Variants in USP12 observed in about 807,000 individuals in gnomAD.
USP12 encodes ubiquitin specific peptidase 12.
In USP12, 19 loss-of-function variants were observed where a neutral mutation model predicts 45.5. That is an observed-to-expected ratio of 0.42 (90% CI 0.29 to 0.61). USP12 has a LOEUF of 0.61. Among genes scored for constraint, USP12 ranks in the 20% least tolerant of loss-of-function variants. The probability of loss-of-function intolerance (pLI) is 0.22; values close to 1 mark genes in which losing one functional copy is unlikely to be tolerated. For missense variants in USP12, 242 were observed against 447.7 expected, an observed-to-expected ratio of 0.54 and a Z score of 4.15; for synonymous variants, 149 against 148.8, an observed-to-expected ratio of 1.00 and a Z score of -0.01.
chr13:27,164,492 C>T (rs1878262543), intron 1 of USP12, among the ~76,000 whole-genome samples: 1 of 152,194 alleles, frequency 6.6e-6, no homozygotes, highest in Admixed American at 6.5e-5. Context: ...GAGGGCTATA[C>T]CACCTCACAC....
chr13:27,159,302 C>T (rs1593215688), intron 1 of USP12, among the ~76,000 whole-genome samples: 2 of 152,236 alleles, frequency 1.3e-5, no homozygotes, highest in South Asian at 4.2e-4. Context: ...ATTACAAGGG[C>T]GTATCTACCA....
intron 1 of USP12, among the ~76,000 whole-genome samples, chr13:27,151,872 C>T (rs1877583160): frequency 6.6e-6 from 1 of 152,184 alleles, no homozygotes; most frequent in Non-Finnish European, 1.5e-5. Context: ...AGAAGATACA[C>T]AAATGGCCAA....
chr13:27,126,543 T>A (rs1876246419), intron 1 of USP12, among the ~76,000 whole-genome samples: 1 of 152,154 alleles, frequency 6.6e-6, no homozygotes, highest in Admixed American at 6.6e-5. Flanking sequence ...CATTTAAACG[T>A]TCCAACCGCA....
intron 6 of USP12, among the ~76,000 whole-genome samples, chr13:27,081,714 T>C (rs1421211248): frequency 6.6e-6 from 1 of 152,202 alleles, no homozygotes; most frequent in Non-Finnish European, 1.5e-5. Flanking sequence ...AAATATTAAA[T>C]AATAACAATT....
intron 1 of USP12, among the ~76,000 whole-genome samples, chr13:27,165,438 A>G (rs899621106): frequency 6.6e-6 from 1 of 152,204 alleles, no homozygotes; most frequent in Non-Finnish European, 1.5e-5. Context: ...ATGTTGAGCT[A>G]ACAGATTAAT....
chr13:27,165,676 T>C (rs1878317470), intron 1 of USP12, among the ~76,000 whole-genome samples: 1 of 152,178 alleles, frequency 6.6e-6, no homozygotes, highest in Non-Finnish European at 1.5e-5. Flanking sequence ...TTCAAATCCC[T>C]TAATGGTACT....
chr13:27,085,172 CT>C (rs1873953535), intron 6 of USP12, among the ~76,000 whole-genome samples: 1 of 151,036 alleles, frequency 6.6e-6, no homozygotes, highest in African/African-American at 2.4e-5. Context: ...TTCTTTCTTT[CT>C]TTCTTTCTTT....
chr13:27,164,883 T>C (rs1475054512), intron 1 of USP12, among the ~76,000 whole-genome samples: 1 of 152,140 alleles, frequency 6.6e-6, no homozygotes, highest in Admixed American at 6.5e-5. Context: ...GTAAGTTCAA[T>C]GTAAGCCAAC....
At chr13:27,136,722 G>T (rs1287944351) in intron 1 of USP12, among the ~76,000 whole-genome samples, 1 of 152,102 alleles carries the variant, frequency 6.6e-6, no homozygotes, top group Non-Finnish European at 1.5e-5. Flanking sequence ...GCTAAAACTT[G>T]ATATATGCAT....
At position 27,129,244 on chromosome 13, in the gene USP12, CA is replaced by C. The variant is rs1565998070; in HGVS notation, c.49-12649del. On this transcript the variant is annotated intron_variant, in intron 1 of 8. Coordinates refer to ENST00000282344, the MANE Select transcript of USP12 (RefSeq NM_182488.4). This position sits in a 1 kb window ranked among gnomAD's most constrained non-coding sequence, Gnocchi z 4.0. ...CCACAGTTAAGTGGAAAGAACAAAGCAGCATCTCTGCCAGTCCTGTTTTCTA... is the reference window on the plus strand; with the variant it reads ...CCACAGTTAAGTGGAAAGAACAAAGCGCATCTCTGCCAGTCCTGTTTTCTA... Among the ~76,000 whole-genome samples the C allele has an allele frequency of 2.1e-4, 3 of 14,088 alleles. No homozygotes were observed. In the East Asian group the frequency reaches 0.032, roughly 150 times the overall value. The allele number at this position is 14,088 out of a possible 152,430, so 9.2% of individuals were successfully genotyped here. A position where few individuals can be genotyped will look rare whatever the true frequency, so the allele number is the denominator to read the frequency against.
chr13:27,133,064 T>C (rs1169269575), intron 1 of USP12, among the ~76,000 whole-genome samples: 1 of 152,220 alleles, frequency 6.6e-6, no homozygotes, highest in Non-Finnish European at 1.5e-5. Context: ...CTAACACTTA[T>C]TAATTATTCT....
chr13:27,089,567 C>A, intron 6 of USP12: 1 of 228,408 alleles, frequency 4.4e-6, no homozygotes, highest in Non-Finnish European at 8.8e-6. Flanking sequence ...AGTGCTATCT[C>A]CCTCAACCCT....
In USP12 at chr13:27,142,024, A is replaced by C. The variant is rs777724173; in HGVS notation, c.49-25428T>G. Among the ~76,000 whole-genome samples, 36 of 152,150 alleles carry C rather than the reference A, an allele frequency of 2.4e-4. 1 individual carries two copies. Among genetic ancestry groups the C allele is most frequent in the Admixed American group, 2.0e-3 (31 of 15,276 alleles). On this transcript the variant is annotated intron_variant, in intron 1 of 8. Transcript: ENST00000282344. ...GCAGTCCCAGCCACTTGCAAGGCTG[A>C]AGCAGGAGAATTGCTTGAACTCAGG... is the stretch of plus-strand genomic sequence containing the variant.
rs547849285 is a variant in USP12, at chr13:27,160,610, T to C, written c.48+10982A>G. 1.9e-4 allele frequency among the ~76,000 whole-genome samples: 29 copies of C among 152,266 alleles called. No homozygotes were observed. The South Asian group carries it at 5.6e-3, about 29-fold the overall frequency. On this transcript the variant is annotated intron_variant, in intron 1 of 8. Transcript: ENST00000282344. Reference sequence around the variant, plus strand: ...TCCGTTGTATCTAGTTTTTGAGCCTTTGATGTTTCAAATTTGTTCCAAATT... The same window carrying C: ...TCCGTTGTATCTAGTTTTTGAGCCTCTGATGTTTCAAATTTGTTCCAAATT...
At chr13:27,143,274 G>A (rs1187754995) in intron 1 of USP12, among the ~76,000 whole-genome samples, 1 of 151,948 alleles carries the variant, frequency 6.6e-6, no homozygotes, top group South Asian at 2.1e-4. Flanking sequence ...AGAAGTAGGA[G>A]AACAATAAAG....
At chr13:27,115,529 T>A (rs1048280019) in intron 2 of USP12, among the ~76,000 whole-genome samples, 1 of 152,196 alleles carries the variant, frequency 6.6e-6, no homozygotes, top group African/African-American at 2.4e-5. Context: ...TTACCTATTT[T>A]ATCAATATAT....
chr13:27,093,098 A>T (rs575655714), intron 4 of USP12, among the ~76,000 whole-genome samples: 156 of 152,132 alleles, frequency 1.0e-3, no homozygotes, highest in African/African-American at 3.6e-3. Flanking sequence ...AGGGAGGCTG[A>T]CACAAGAGAA....
intron 3 of USP12, among the ~76,000 whole-genome samples, chr13:27,098,391 G>GA (rs1328158250): frequency 1.3e-5 from 2 of 149,962 alleles, no homozygotes; most frequent in Non-Finnish European, 3.0e-5. Context: ...TACAAAACAA[G>GA]AAAAAAAATT....
At chr13:27,072,594 C>T (rs895493748) in intron 7 of USP12, among the ~76,000 whole-genome samples, 2 of 152,012 alleles carry the variant, frequency 1.3e-5, no homozygotes, top group Non-Finnish European at 2.9e-5. Flanking sequence ...CCCAAATACC[C>T]CTTCAGTACA....
Sources: gnomAD v4.1 joint callset for allele counts (sites outside exome capture counted in the v4.1 genomes callset) on GRCh38, gnomAD v4.1.1 for gene constraint, Gnocchi (gnomAD v3.1) non-coding constraint, MANE v1.5 for transcripts, NCBI Gene and HGNC (gene_info 2026-07-23, HGNC 2026-07-21) for gene names.